RNF40: variants seen among roughly 807,000 people sequenced by gnomAD.
RNF40 encodes the protein E3 ubiquitin-protein ligase BRE1B.
A neutral mutation model predicts 123.3 loss-of-function variants in RNF40; 39 were observed. That is an observed-to-expected ratio of 0.32 (90% CI 0.24 to 0.41). The LOEUF (loss-of-function observed/expected upper bound fraction) is 0.41. Among genes scored for constraint, RNF40 ranks in the 10% least tolerant of loss-of-function variants. The probability of loss-of-function intolerance (pLI) is 1.00; values close to 1 mark genes in which losing one functional copy is unlikely to be tolerated. For synonymous variants in RNF40, 538 were observed against 526.0 expected, an observed-to-expected ratio of 1.02 and a Z score of -0.31; for missense variants, 1,003 against 1,319.9, an observed-to-expected ratio of 0.76 and a Z score of 3.72.
At chr16:30,764,060 C>T (rs1596743714) in intron 4 of RNF40, 119 bp from the exon 5 acceptor site, 2 of 730,618 alleles carry the variant, frequency 2.7e-6, no homozygotes, top group East Asian at 2.7e-5. Context: ...GATAATAGTG[C>T]ACTATAGGTT....
chr16:30,765,742 TAAAAG>T (rs1443326323), intron 8 of RNF40, among the ~76,000 whole-genome samples: 1 of 152,172 alleles, frequency 6.6e-6, no homozygotes, highest in Admixed American at 6.5e-5. Flanking sequence ...AAGAAATAAA[TAAAAG>T]AATATATCTT....
At chr16:30,761,619 C>T (rs2053814564), upstream of RNF40, 2 of 1,536,140 alleles carry the variant, frequency 1.3e-6, no homozygotes, top group Non-Finnish European at 1.7e-6. Flanking sequence ...CGCACACTCG[C>T]ACGCGTCCGC....
chr16:30,764,901 C>G (rs764229849), intron 5 of RNF40, 37 bp from the exon 6 acceptor site: 9 of 1,598,874 alleles, frequency 5.6e-6, no homozygotes, highest in Admixed American at 1.7e-5. Context: ...GCCCCATTGC[C>G]CTGAGCTGGG....
Position 30,765,210 on chromosome 16 carries a change from G to A in RNF40, c.801G>A (p.Ser267=), listed in dbSNP as rs138667885. 718 of 1,614,204 alleles carry A rather than the reference G, an allele frequency of 4.4e-4. 3 individuals carry two copies. In the African/African-American group the frequency reaches 8.0e-3, roughly 18 times the overall value. Residue 267 remains serine (S), a synonymous_variant, in exon 7 of 20, where the codon TCG becomes TCA. Transcript: ENST00000324685. ...CCGAGCTCCAGGATAAAGTGACATCGGCAGAGACCAAGGTGCTGGAGATGG... is the reference window on the plus strand; with the variant it reads ...CCGAGCTCCAGGATAAAGTGACATCAGCAGAGACCAAGGTGCTGGAGATGG... ...EYSELQDKVT[S]AETKVLEMET... is the part of the protein sequence containing the mutation.
chr16:30,774,795 G>T lies in RNF40; in HGVS notation c.*681G>T. The T allele has an allele frequency of 5.5e-6, 2 of 364,296 alleles. No homozygotes were observed. The highest frequency in any genetic ancestry group is 4.1e-5 in the South Asian group (2 of 48,710). The allele number at this position is 364,296 out of a possible 1,614,324, so 22.6% of individuals were successfully genotyped here. On this transcript the variant is annotated 3_prime_UTR_variant, in exon 20 of 20. Coordinates refer to ENST00000324685, the MANE Select transcript of RNF40 (RefSeq NM_014771.4). ...CATCATCAGTTTCTATTCTAATCAG[G>T]CCCCTTCCCAATCTCCATTTCTCTG...
Position 30,766,997 on chromosome 16 carries a change from C to T in RNF40, c.1429+121C>T, listed in dbSNP as rs749022254. On this transcript the variant is annotated intron_variant, in intron 11 of 19. Coordinates refer to ENST00000324685, the MANE Select transcript of RNF40 (RefSeq NM_014771.4). This position sits in a 1 kb window ranked among gnomAD's most constrained non-coding sequence, Gnocchi z 5.4. ...CTTTTTTTTCACAGAGCCTCGGCTT[C>T]CTATGCAAAACAGGGCCTGCACTGC... The T allele has an allele frequency of 2.9e-5, 38 of 1,309,960 alleles. 1 individual carries two copies. Among genetic ancestry groups the T allele is most frequent in the Admixed American group, 2.3e-4 (9 of 39,328 alleles). 81.1% of individuals were successfully genotyped at this position (1,309,960 alleles called of 1,614,324 possible).
chr16:30,772,590 A>G lies in RNF40; in HGVS notation c.2829+400A>G, dbSNP rs371502264. 5.9e-5 allele frequency among the ~76,000 whole-genome samples: 9 copies of G among 152,352 alleles called. No individual in the cohort carries two copies. The East Asian group carries it at 1.7e-3, about 29-fold the overall frequency. On this transcript the variant is annotated intron_variant, in intron 19 of 19. Transcript: ENST00000324685. ...TGTCACCACAGCAGACCTGAAGAAT[A>G]GGCCAGACGTGGCTGTGAGGAACGG...
chr16:30,772,143 T>C lies in RNF40; in HGVS notation c.2782T>C (p.Tyr928His), dbSNP rs1363122253. 6.4e-7 allele frequency: 1 copy of C among 1,554,454 alleles called. No individual in the cohort carries two copies. Among genetic ancestry groups the C allele is most frequent in the African/African-American group, 1.4e-5 (1 of 73,206 alleles). Residue 928 changes from tyrosine to histidine, a missense_variant, in exon 19 of 20, where the codon TAC (tyrosine) becomes CAC (histidine). By Grantham distance (83) the Tyr-to-His change is moderately conservative. Coordinates refer to ENST00000324685, the MANE Select transcript of RNF40 (RefSeq NM_014771.4). The part of the protein sequence containing the change: ...KLEKQRKVEV[Y>H]ADADEILQEE... ...GGAAAAGCAGAGGAAGGTGGAGGTC[T>C]ACGCAGATGCCGACGAAATCCTCCA...
chr16:30,764,456 T>A, intron 5 of RNF40, 71 bp downstream of exon 5: 1 of 1,357,978 alleles, frequency 7.4e-7, no homozygotes, highest in Non-Finnish European at 1.0e-6. Flanking sequence ...CCTTCCTGAT[T>A]CCCCTAATGC....
intron 11 of RNF40, among the ~76,000 whole-genome samples, chr16:30,767,281 C>T (rs943399684): frequency 2.6e-5 from 4 of 151,946 alleles, no homozygotes; most frequent in African/African-American, 7.3e-5. Flanking sequence ...TAGAGGAAGA[C>T]GAACTAGTAG....
chr16:30,771,809 T>C, intron 17 of RNF40, 24 bp from the exon 18 acceptor site: 1 of 1,536,002 alleles, frequency 6.5e-7, no homozygotes, highest in Non-Finnish European at 8.8e-7. Flanking sequence ...GACCAGTGCC[T>C]CCTTCCTGTT....
Position 30,766,658 on chromosome 16 carries a change from C to T in RNF40, c.1294-83C>T. On this transcript the variant is annotated intron_variant, in intron 10 of 19. Coordinates refer to ENST00000324685, the MANE Select transcript of RNF40 (RefSeq NM_014771.4). This position sits in a 1 kb window ranked among gnomAD's most constrained non-coding sequence, Gnocchi z 5.4. ...GGCCCTGTGTGCCAGCCAGGGGTCCCTGGGGAATAGATTCTTCCTAAGATA... is the reference window on the plus strand; with the variant it reads ...GGCCCTGTGTGCCAGCCAGGGGTCCTTGGGGAATAGATTCTTCCTAAGATA... 5.0e-6 allele frequency: 8 copies of T among 1,592,696 alleles called. No homozygotes were observed. Among genetic ancestry groups the T allele is most frequent in the Non-Finnish European group, 6.0e-6 (7 of 1,167,558 alleles).
chr16:30,774,355 T>G lies in RNF40; in HGVS notation c.*241T>G. The G allele has an allele frequency of 2.1e-6, 1 of 487,096 alleles. No homozygotes were observed. The allele number at this position is 487,096 out of a possible 1,614,324, so 30.2% of individuals were successfully genotyped here. On this transcript the variant is annotated 3_prime_UTR_variant, in exon 20 of 20. Coordinates refer to ENST00000324685, the MANE Select transcript of RNF40 (RefSeq NM_014771.4). ...AGGGGGCACTGCCCTACAGAAAAGG[T>G]CTGCCTGAGAGGCCTGAGGAGCCCA...
In RNF40 at chr16:30,766,930, T is replaced by C; in HGVS notation, c.1429+54T>C. The C allele has an allele frequency of 6.3e-7, 1 of 1,592,022 alleles. No homozygotes were observed. Among genetic ancestry groups the C allele is most frequent in the Non-Finnish European group, 8.6e-7 (1 of 1,168,110 alleles). On this transcript the variant is annotated intron_variant, in intron 11 of 19. Coordinates refer to ENST00000324685, the MANE Select transcript of RNF40 (RefSeq NM_014771.4). The surrounding 1 kb of genome is among the most constrained non-coding windows in gnomAD (Gnocchi z 5.4). ...GGCCTTATCTGGGAGTGCTGGGCCC[T>C]GGTGTGGGGCTGCTGCTTATCCAGA...
At chr16:30,770,615 T>C (rs117526960) in intron 17 of RNF40, among the ~76,000 whole-genome samples, 1 of 152,358 alleles carries the variant, frequency 6.6e-6, no homozygotes, top group East Asian at 1.9e-4. Context: ...ATGTCTAGCT[T>C]TGGCTAAAGG....
chr16:30,764,395 T>C lies in RNF40; in HGVS notation c.649+10T>C, dbSNP rs1028657703. On this transcript the variant is annotated intron_variant, in intron 5 of 19. Transcript: ENST00000324685. ...CGAGTGTACAGCCGAGGTGGGTTCTTTGTGCCCATACTGAAGGGGTGTCCA... is the reference window on the plus strand; with the variant it reads ...CGAGTGTACAGCCGAGGTGGGTTCTCTGTGCCCATACTGAAGGGGTGTCCA... 4 of 1,609,478 alleles carry C rather than the reference T, an allele frequency of 2.5e-6. No individual in the cohort carries two copies. In the African/African-American group the frequency reaches 5.3e-5, roughly 22 times the overall value.
chr16:30,768,809 AAG>A lies in RNF40; in HGVS notation c.2098-24_2098-23del. 3 of 1,614,066 alleles carry A rather than the reference AAG, an allele frequency of 1.9e-6. No individual in the cohort carries two copies. Among genetic ancestry groups the A allele is most frequent in the East Asian group, 2.2e-5 (1 of 44,882 alleles). On this transcript the variant is annotated intron_variant, in intron 14 of 19. Transcript: ENST00000324685. This position sits in a 1 kb window ranked among gnomAD's most constrained non-coding sequence, Gnocchi z 4.1. ...TCCTAGCTCAGCAGGAAGCAGTGTC[AAG>A]AGAGTTTCTTCTTCCCTGTGCTATA...
chr16:30,762,050 A>G (rs1252769495), upstream of RNF40: 2 of 462,750 alleles, frequency 4.3e-6, no homozygotes, highest in Non-Finnish European at 7.7e-6. Context: ...CCTCTCTTCC[A>G]GGTTGCTAAT....
chr16:30,763,292 A>G lies in RNF40; in HGVS notation c.300+7A>G. On this transcript the variant is annotated splice_region_variant and intron_variant, in intron 3 of 19. Coordinates refer to ENST00000324685, the MANE Select transcript of RNF40 (RefSeq NM_014771.4). ...CAATCGCTACTGGGCCCAGGTGGAT[A>G]CCTTCTGCTTTCAAAGACCAGGCCT... The G allele has an allele frequency of 6.2e-7, 1 of 1,613,676 alleles. No individual in the cohort carries two copies. The highest frequency in any genetic ancestry group is 1.1e-5 in the South Asian group (1 of 91,078).
Sources: allele counts gnomAD v4.1 joint callset (sites outside exome capture counted in the v4.1 genomes callset), GRCh38; gene constraint gnomAD v4.1.1; non-coding constraint Gnocchi (gnomAD v3.1); transcripts MANE v1.5; gene names NCBI Gene and HGNC (gene_info 2026-07-23, HGNC 2026-07-21).